Variants in FANCL observed in about 807,000 individuals in gnomAD.
FANCL encodes FA complementation group L, also known as E3 ubiquitin-protein ligase FANCL.
A neutral mutation model predicts 59.4 loss-of-function variants in FANCL; 69 were observed. That is an observed-to-expected ratio of 1.16 (90% confidence interval 0.96 to 1.42). The LOEUF is 1.42. Ranked by LOEUF, FANCL falls within the 40% of genes most tolerant of loss-of-function variation. The probability of loss-of-function intolerance (pLI) is 0.00; values close to 1 mark genes in which losing one functional copy is unlikely to be tolerated. For missense variants in FANCL, 519 were observed against 447.2 expected, an observed-to-expected ratio of 1.16 and a Z score of -1.45; for synonymous variants, 180 against 147.1, an observed-to-expected ratio of 1.22 and a Z score of -1.62.
At chr2:58,187,063 G>A (rs771097235) in intron 7 of FANCL, among the ~76,000 whole-genome samples, 1 of 152,056 alleles carries the variant, frequency 6.6e-6, no homozygotes, top group South Asian at 2.1e-4. Flanking sequence ...TCCCATGACT[G>A]GGTATATACC....
At chr2:58,236,464 TA>T (rs1024816199) in intron 1 of FANCL, among the ~76,000 whole-genome samples, 10 of 145,528 alleles carry the variant, frequency 6.9e-5, no homozygotes, top group East Asian at 2.0e-4. Flanking sequence ...AGCAACTAGT[TA>T]AAAAAAAAAC....
intron 3 of FANCL, among the ~76,000 whole-genome samples, chr2:58,228,301 C>A (rs1693232618): frequency 6.6e-6 from 1 of 152,146 alleles, no homozygotes; most frequent in African/African-American, 2.4e-5. Context: ...AAAAAATATT[C>A]TCAAGTTTTA....
At chr2:58,179,334 T>C (rs1467705075) in intron 7 of FANCL, among the ~76,000 whole-genome samples, 3 of 152,114 alleles carry the variant, frequency 2.0e-5, no homozygotes, top group African/African-American at 7.2e-5. Flanking sequence ...CTTCAAACTA[T>C]ACTGCAAGGC....
chr2:58,203,382 GTTGA>G (rs1690242704), intron 6 of FANCL, among the ~76,000 whole-genome samples: 1 of 151,684 alleles, frequency 6.6e-6, no homozygotes, highest in Non-Finnish European at 1.5e-5. Flanking sequence ...CTGAAAAAGA[GTTGA>G]TTGATTGACT....
At chr2:58,163,243 AAATAACT>A (rs1685469693) in intron 9 of FANCL, 169 bp from the exon 10 acceptor site, 1 of 744,348 alleles carries the variant, frequency 1.3e-6, no homozygotes, top group South Asian at 1.7e-5. Flanking sequence ...TTGTCATTTA[AAATAACT>A]ATCATTATTG....
At chr2:58,197,385 A>G (rs939427412) in intron 7 of FANCL, among the ~76,000 whole-genome samples, 3 of 152,112 alleles carry the variant, frequency 2.0e-5, no homozygotes, top group Non-Finnish European at 4.4e-5. Flanking sequence ...AGTAGCCTCC[A>G]TTTACGGAAT....
chr2:58,186,599 G>A (rs1343471200), intron 7 of FANCL, among the ~76,000 whole-genome samples: 1 of 152,222 alleles, frequency 6.6e-6, no homozygotes, highest in Non-Finnish European at 1.5e-5. Flanking sequence ...GAACCAGAAT[G>A]CAAGAGCATT....
At chr2:58,164,864 G>A (rs1046307716) in intron 8 of FANCL, among the ~76,000 whole-genome samples, 26 of 151,996 alleles carry the variant, frequency 1.7e-4, no homozygotes, top group African/African-American at 6.0e-4. Flanking sequence ...TAGAACTGCT[G>A]TAAACTATAC....
intron 5 of FANCL, among the ~76,000 whole-genome samples, chr2:58,213,012 T>G (rs1691334183): frequency 6.6e-6 from 1 of 152,212 alleles, no homozygotes; most frequent in Admixed American, 6.5e-5. Flanking sequence ...TAGAGTTGAT[T>G]AGAAATACCA....
chr2:58,172,030 G>T (rs1210042282), intron 7 of FANCL, among the ~76,000 whole-genome samples: 1 of 152,234 alleles, frequency 6.6e-6, no homozygotes, highest in Non-Finnish European at 1.5e-5. Context: ...ACTGCAAGGT[G>T]GCAGCGAGGC....
chr2:58,222,165 G>A (rs1047293568), intron 4 of FANCL, 123 bp from the exon 5 acceptor site: 15 of 688,692 alleles, frequency 2.2e-5, no homozygotes, highest in South Asian at 5.3e-5. Flanking sequence ...GTTTTTTTAC[G>A]GAAATCTGGC....
At chr2:58,225,716 G>C (rs1379288887) in intron 4 of FANCL, among the ~76,000 whole-genome samples, 3 of 151,914 alleles carry the variant, frequency 2.0e-5, no homozygotes, top group Non-Finnish European at 2.9e-5. Context: ...AAAGAAAGTA[G>C]AATATGTTAA....
At chr2:58,234,836 G>A (rs1693868931) in intron 1 of FANCL, among the ~76,000 whole-genome samples, 1 of 152,044 alleles carries the variant, frequency 6.6e-6, no homozygotes, top group Admixed American at 6.6e-5. Context: ...TTAAGAAACT[G>A]AAGAGAACTG....
At position 58,227,253 on chromosome 2, in the gene FANCL, C is replaced by T. The variant is rs577739284; in HGVS notation, c.217-469G>A. Among the ~76,000 whole-genome samples the T allele has an allele frequency of 1.0e-3, 152 of 152,258 alleles. 3 individuals carry two copies. The highest frequency in any genetic ancestry group is 5.2e-3 in the East Asian group (27 of 5,178). On this transcript the variant is annotated intron_variant, in intron 3 of 13. Transcript: ENST00000233741. ...CCCAGTGGGTGTGTGTTACAAGGTGCTTTTTTAGTTTAGCCATCCATAGGC... is the reference window on the plus strand; with the variant it reads ...CCCAGTGGGTGTGTGTTACAAGGTGTTTTTTTAGTTTAGCCATCCATAGGC...
At chr2:58,186,997 G>C (rs1029759825) in intron 7 of FANCL, among the ~76,000 whole-genome samples, 2 of 152,166 alleles carry the variant, frequency 1.3e-5, no homozygotes, top group African/African-American at 4.8e-5. Context: ...CATTGTGGAA[G>C]ACAGTGTGGC....
chr2:58,238,894 G>C (rs1486808021), intron 1 of FANCL, among the ~76,000 whole-genome samples: 5 of 152,072 alleles, frequency 3.3e-5, no homozygotes, highest in Admixed American at 3.3e-4. Flanking sequence ...GAAATGCAAA[G>C]CCTTAAAAAC....
chr2:58,160,039 A>G, intron 13 of FANCL, 69 bp downstream of exon 13: 1 of 1,603,428 alleles, frequency 6.2e-7, no homozygotes, highest in Non-Finnish European at 8.5e-7. Context: ...TACTATATAG[A>G]TCTATCTTCT....
At position 58,160,451 on chromosome 2, in the gene FANCL, G is replaced by A. The variant is rs956692998; in HGVS notation, c.1021-272C>T. Among the ~76,000 whole-genome samples the A allele has an allele frequency of 1.0e-3, 159 of 151,924 alleles. 3 individuals carry two copies. The highest frequency in any genetic ancestry group is 1.0e-2 in the Admixed American group (152 of 15,226). ...CCTTTAAGAATCTGATAAGAATTACGCATTTTCTTTATCCCCAGAATAGAC... is the reference window on the plus strand; with the variant it reads ...CCTTTAAGAATCTGATAAGAATTACACATTTTCTTTATCCCCAGAATAGAC... On this transcript the variant is annotated intron_variant, in intron 12 of 13. Transcript: ENST00000233741.
At chr2:58,221,052 A>G (rs532839758) in intron 5 of FANCL, among the ~76,000 whole-genome samples, 47 of 151,392 alleles carry the variant, frequency 3.1e-4, no homozygotes, top group African/African-American at 1.0e-3. Context: ...TCTCTACTAA[A>G]AATACAAAAA....
Sources: gnomAD v4.1 joint callset for allele counts (sites outside exome capture counted in the v4.1 genomes callset) on GRCh38, gnomAD v4.1.1 for gene constraint, MANE v1.5 for transcripts, NCBI Gene and HGNC (gene_info 2026-07-23, HGNC 2026-07-21) for gene names.